Variants in EBF1 observed in about 807,000 individuals in gnomAD.
The protein encoded by EBF1 is EBF transcription factor 1, also known as transcription factor COE1.
Under a neutral mutation model 68.4 loss-of-function variants are expected in EBF1, and 10 were observed. The ratio of observed to expected loss-of-function variants is 0.15; its 90% confidence interval spans 0.09 to 0.25. The LOEUF (loss-of-function observed/expected upper bound fraction) is 0.25. EBF1 is among the 10% of genes least tolerant of loss of function. The probability of loss-of-function intolerance (pLI) is 1.00; values close to 1 mark genes in which losing one functional copy is unlikely to be tolerated. For synonymous variants in EBF1, 298 were observed against 299.8 expected (o/e 0.99, Z 0.06); for missense variants, 509 against 794.4 (o/e 0.64, Z 4.32).
intron 6 of EBF1, among the ~76,000 whole-genome samples, chr5:159,005,639 T>C (rs777783061): frequency 5.3e-5 from 8 of 152,182 alleles, no homozygotes; most frequent in Non-Finnish European, 1.2e-4. Flanking sequence ...GAGTTGTACA[T>C]GCTTTTGTCT....
intron 11 of EBF1, among the ~76,000 whole-genome samples, chr5:158,729,875 C>T (rs1224611266): frequency 6.6e-6 from 1 of 152,222 alleles, no homozygotes; most frequent in Non-Finnish European, 1.5e-5. Context: ...CGCTCCTCCT[C>T]TCCATGCGCC....
At chr5:158,749,859 A>G (rs571128139) in intron 10 of EBF1, among the ~76,000 whole-genome samples, 1 of 152,212 alleles carries the variant, frequency 6.6e-6, no homozygotes, top group Admixed American at 6.5e-5. Flanking sequence ...GGCAAGGTAA[A>G]CTAACTCTCC....
intron 7 of EBF1, among the ~76,000 whole-genome samples, chr5:158,829,444 C>G (rs937656782): frequency 6.6e-6 from 1 of 151,798 alleles, no homozygotes; most frequent in African/African-American, 2.4e-5. Flanking sequence ...GTCAGTCTCC[C>G]AAAGTGCTGG....
chr5:158,727,555 CAG>C (rs1269182864), intron 11 of EBF1, among the ~76,000 whole-genome samples: 4 of 152,174 alleles, frequency 2.6e-5, no homozygotes, highest in African/African-American at 9.7e-5. Context: ...CTGTATGAAA[CAG>C]AACAGAATGC....
intron 11 of EBF1, among the ~76,000 whole-genome samples, chr5:158,720,800 C>G (rs1048891777): frequency 3.3e-5 from 5 of 152,106 alleles, no homozygotes; most frequent in African/African-American, 1.2e-4. Context: ...AAAGGAGGAA[C>G]ATAAATGAGG....
intron 6 of EBF1, among the ~76,000 whole-genome samples, chr5:159,066,894 T>C (rs1031670854): frequency 5.3e-5 from 8 of 152,152 alleles, no homozygotes; most frequent in African/African-American, 1.7e-4. Context: ...TATATTGTCC[T>C]GGATAGTATG....
chr5:158,732,905 C>A (rs1041095128), intron 10 of EBF1, among the ~76,000 whole-genome samples: 6 of 152,112 alleles, frequency 3.9e-5, no homozygotes, highest in African/African-American at 1.4e-4. Context: ...AACTTTCAAC[C>A]TGTCTCTTGT....
intron 6 of EBF1, among the ~76,000 whole-genome samples, chr5:158,917,678 A>G (rs1039517262): frequency 3.3e-5 from 5 of 152,214 alleles, no homozygotes; most frequent in Admixed American, 6.5e-5. Flanking sequence ...CAGTGAATAG[A>G]CTTCTTCTAT....
At chr5:158,712,778 T>A (rs1311568263) in intron 13 of EBF1, among the ~76,000 whole-genome samples, 192 bp downstream of exon 13, 1 of 152,214 alleles carries the variant, frequency 6.6e-6, no homozygotes, top group Non-Finnish European at 1.5e-5. Flanking sequence ...ATGCATCCTT[T>A]CTAGCCCTCT....
At chr5:159,071,434 C>T (rs1028886593) in intron 6 of EBF1, among the ~76,000 whole-genome samples, 1 of 152,216 alleles carries the variant, frequency 6.6e-6, no homozygotes, top group Non-Finnish European at 1.5e-5. Context: ...AAAGTGCATA[C>T]TTATTTTGCC....
chr5:158,776,644 C>T (rs897765061), intron 10 of EBF1, among the ~76,000 whole-genome samples: 40 of 152,154 alleles, frequency 2.6e-4, no homozygotes, highest in Non-Finnish European at 2.4e-4. Context: ...CCGCACTCCA[C>T]CTGTGGTTCT....
chr5:158,721,588 C>G (rs1371993400), intron 11 of EBF1, among the ~76,000 whole-genome samples: 1 of 152,046 alleles, frequency 6.6e-6, no homozygotes, highest in Non-Finnish European at 1.5e-5. Context: ...TTGTTCGCTG[C>G]CTATTAGACC....
In EBF1 at chr5:158,880,722, G is replaced by A. The variant is rs1319814665; in HGVS notation, c.555-40612C>T. ...AATAAGAACGGTGTTCGGTTCAGTT[G>A]TGCACATTTTTCTAGACAGAAGTTG... On this transcript the variant is annotated intron_variant, in intron 6 of 15. Transcript: ENST00000313708. Among the ~76,000 whole-genome samples the A allele has an allele frequency of 3.9e-5, 6 of 152,218 alleles. No individual in the cohort carries two copies. The East Asian group carries it at 9.6e-4, about 24-fold the overall frequency.
chr5:159,060,909 G>T (rs1454009417), intron 6 of EBF1, among the ~76,000 whole-genome samples: 7 of 147,038 alleles, frequency 4.8e-5, no homozygotes, highest in African/African-American at 1.3e-4. Flanking sequence ...TTATTTTCTA[G>T]ATTTAGAGAG....
At chr5:158,891,778 T>C (rs1361849334) in intron 6 of EBF1, among the ~76,000 whole-genome samples, 6 of 152,226 alleles carry the variant, frequency 3.9e-5, no homozygotes, top group African/African-American at 1.4e-4. Context: ...TGTTCAACTC[T>C]CTCTTACTCT....
At chr5:158,737,576 G>C (rs11744514) in intron 10 of EBF1, among the ~76,000 whole-genome samples, 20,491 of 151,950 alleles carry the variant, frequency 0.13, 1,487 homozygotes, top group Admixed American at 0.15. Flanking sequence ...GAGCCACCGC[G>C]TCCGATCACC....
chr5:159,010,946 G>A (rs1764539290), intron 6 of EBF1, among the ~76,000 whole-genome samples: 1 of 152,236 alleles, frequency 6.6e-6, no homozygotes, highest in Non-Finnish European at 1.5e-5. Context: ...AGAGAAGGAA[G>A]TTACAACTTA....
rs75710256 is a variant in EBF1, at chr5:158,973,120, T to C, written c.554+100276A>G. Reference sequence around the variant, plus strand: ...TTTACTGGTTTGTGTGTTGATTGTCTGTCTCCCTGCCCTAGAACGTAAGCT... The same window carrying C: ...TTTACTGGTTTGTGTGTTGATTGTCCGTCTCCCTGCCCTAGAACGTAAGCT... On this transcript the variant is annotated intron_variant, in intron 6 of 15. Transcript: ENST00000313708. 2.9e-3 allele frequency among the ~76,000 whole-genome samples: 440 copies of C among 152,356 alleles called. 9 individuals are homozygous for C. In the East Asian group the frequency reaches 0.042, roughly 14 times the overall value.
In EBF1 at chr5:158,932,014, A is replaced by T. The variant is rs911004423; in HGVS notation, c.555-91904T>A. On this transcript the variant is annotated intron_variant, in intron 6 of 15. Transcript: ENST00000313708. ...AAAATGGCAAAGATGTCAAGTAATG[A>T]TAGCACTCAGCACCAGTATGGATAC... is the stretch of plus-strand genomic sequence containing the variant. Among the ~76,000 whole-genome samples the T allele has an allele frequency of 8.5e-5, 13 of 152,298 alleles. No homozygotes were observed. In the East Asian group the frequency reaches 2.5e-3, roughly 29 times the overall value.
Sources: allele counts gnomAD v4.1 joint callset (sites outside exome capture counted in the v4.1 genomes callset), GRCh38; gene constraint gnomAD v4.1.1; transcripts MANE v1.5; gene names NCBI Gene and HGNC (gene_info 2026-07-23, HGNC 2026-07-21).